The following POLR2L variants were observed in gnomAD, a reference collection of about 807,000 sequenced individuals.
The protein encoded by POLR2L is RNA polymerase II, I and III subunit L.
A neutral mutation model predicts 6.8 loss-of-function variants in POLR2L; 7 were observed. The observed-to-expected ratio is 1.03, with a 90% CI of 0.59 to 1.94. The LOEUF (loss-of-function observed/expected upper bound fraction) is 1.94, where lower values mean the gene tolerates loss of function less well. POLR2L is among the 30% of genes most tolerant of loss of function. The pLI, the probability that POLR2L is intolerant of heterozygous loss-of-function variation, is 0.00. For missense variants in POLR2L, 93 were observed against 86.7 expected (o/e 1.07, Z -0.29); for synonymous variants, 59 against 39.8 (o/e 1.48, Z -1.82).
Position 840,499 on chromosome 11 carries a change from C to G in POLR2L, c.96-19G>C, listed in dbSNP as rs766017025. ...CGCATCCCTGTGTCGAGGGGAGGAG[C>G]AGAGGCCAACTGAGTTCTCTACGGT... On this transcript the variant is annotated intron_variant, in intron 1 of 1. Coordinates refer to ENST00000322028, the MANE Select transcript of POLR2L (RefSeq NM_021128.5). 6.5e-7 allele frequency: 1 copy of G among 1,529,682 alleles called. No individual in the cohort carries two copies. The highest frequency in any genetic ancestry group is 1.1e-5 in the South Asian group (1 of 89,790). 94.8% of individuals were successfully genotyped at this position (1,529,682 alleles called of 1,614,324 possible). A position where few individuals can be genotyped will look rare whatever the true frequency, so the allele number is the denominator to read the frequency against.
Position 842,514 on chromosome 11 carries a change from C to T in POLR2L, c.-6G>A. 1 of 1,571,566 alleles carries T rather than the reference C, an allele frequency of 6.4e-7. No homozygotes were observed. Among genetic ancestry groups the T allele is most frequent in the Non-Finnish European group, 8.6e-7 (1 of 1,161,154 alleles). On this transcript the variant is annotated 5_prime_UTR_variant, in exon 1 of 2. Coordinates refer to ENST00000322028, the MANE Select transcript of POLR2L (RefSeq NM_021128.5). ...CAGCGTACAGGGATGATCATGGCGG[C>T]GGCGCGTCCCAGACTGCCCGGCCCG...
chr11:840,745 T>C (rs1358959495), intron 1 of POLR2L, among the ~76,000 whole-genome samples: 1 of 152,034 alleles, frequency 6.6e-6, no homozygotes, highest in East Asian at 1.9e-4. Context: ...ATAACGTATG[T>C]AAGAAATGTA....
At position 840,017 on chromosome 11, in the gene POLR2L, G is replaced by A. The variant is rs960453152; in HGVS notation, c.*355C>T. The A allele has an allele frequency of 1.1e-4, 22 of 201,378 alleles. No homozygotes were observed. The highest frequency in any genetic ancestry group is 4.4e-4 in the African/African-American group (19 of 43,058). The allele number at this position is 201,378 out of a possible 1,614,324, so 12.5% of individuals were successfully genotyped here. On this transcript the variant is annotated 3_prime_UTR_variant, in exon 2 of 2. Transcript: ENST00000322028. Reference sequence around the variant, plus strand: ...GCTCAGCCTGAAGAACACCCAGAAGGAGGGAACCTCAAAGAGCCCCGAGAT... The same window carrying A: ...GCTCAGCCTGAAGAACACCCAGAAGAAGGGAACCTCAAAGAGCCCCGAGAT...
At position 840,560 on chromosome 11, in the gene POLR2L, T is replaced by C. The variant is rs1329002304; in HGVS notation, c.96-80A>G. 22 of 982,822 alleles carry C rather than the reference T, an allele frequency of 2.2e-5. No individual in the cohort carries two copies. In the East Asian group the frequency reaches 4.8e-4, roughly 22 times the overall value. 60.9% of individuals were successfully genotyped at this position (982,822 alleles called of 1,614,324 possible). A position where few individuals can be genotyped will look rare whatever the true frequency, so the allele number is the denominator to read the frequency against. ...CTGGAGCCCACATCCAACCTGCCTC[T>C]CACTGCCTGCTGGCCTCACCCCCCC... is the stretch of plus-strand genomic sequence containing the variant. On this transcript the variant is annotated intron_variant, in intron 1 of 1. Transcript: ENST00000322028.
At chr11:842,053 G>A (rs1465787045) in intron 1 of POLR2L, among the ~76,000 whole-genome samples, 1 of 152,084 alleles carries the variant, frequency 6.6e-6, no homozygotes, top group Non-Finnish European at 1.5e-5. Context: ...CGCCCGTCCT[G>A]CAGCGAGGTT....
In POLR2L at chr11:840,174, C is replaced by T; in HGVS notation, c.*198G>A. Reference sequence around the variant, plus strand: ...TGAAAGCTGGGCCTAGACCTGGCTCCTGACATCCTAGTGAGGGCTGGGACC... The same window carrying T: ...TGAAAGCTGGGCCTAGACCTGGCTCTTGACATCCTAGTGAGGGCTGGGACC... On this transcript the variant is annotated 3_prime_UTR_variant, in exon 2 of 2. Transcript: ENST00000322028. 1.9e-6 allele frequency: 1 copy of T among 531,230 alleles called. No individual in the cohort carries two copies. The allele number at this position is 531,230 out of a possible 1,614,324, so 32.9% of individuals were successfully genotyped here. A position where few individuals can be genotyped will look rare whatever the true frequency, so the allele number is the denominator to read the frequency against.
At chr11:841,074 C>T (rs367728948) in intron 1 of POLR2L, among the ~76,000 whole-genome samples, 1 of 152,336 alleles carries the variant, frequency 6.6e-6, no homozygotes, top group East Asian at 1.9e-4. Context: ...AACTCCCACA[C>T]CGATGGCTCC....
intron 1 of POLR2L, 33 bp from the exon 2 acceptor site, chr11:840,513 G>T: frequency 6.9e-7 from 1 of 1,448,344 alleles, no homozygotes; most frequent in Non-Finnish European, 9.7e-7. Context: ...GGCCAACTGA[G>T]TTCTCTACGG....
chr11:842,423 T>C lies in POLR2L; in HGVS notation c.86A>G (p.Tyr29Cys). 1 of 1,586,878 alleles carries C rather than the reference T, an allele frequency of 6.3e-7. No homozygotes were observed. The highest frequency in any genetic ancestry group is 8.6e-7 in the Non-Finnish European group (1 of 1,169,072). The change falls in exon 1 of 2, where the codon TAC becomes TGC. Residue 29 changes from tyrosine to cysteine, a missense_variant. Transcript: ENST00000322028. ...CCGGCCCGCGCCTCACCCCTCGGTG[T>C]ACTCGGCCTGCAGCAGCCCCAGGTA... ...EAYLGLLQAE[Y>C]TEGDALDALG...
Position 840,225 on chromosome 11 carries a change from G to GGAT in POLR2L, c.*144_*146dup. 1.6e-6 allele frequency: 1 copy of GGAT among 636,310 alleles called. No individual in the cohort carries two copies. Among genetic ancestry groups the GGAT allele is most frequent in the East Asian group, 2.8e-5 (1 of 35,986 alleles). The allele number at this position is 636,310 out of a possible 1,614,324, so 39.4% of individuals were successfully genotyped here. A position where few individuals can be genotyped will look rare whatever the true frequency, so the allele number is the denominator to read the frequency against. On this transcript the variant is annotated 3_prime_UTR_variant, in exon 2 of 2. Transcript: ENST00000322028. ...TTAGTGGTTCTGAAAGACCTTTACT[G>GGAT]GATGGTTCCTTCCAGAGTGGGGTAT...
rs1232880209 is a variant in POLR2L at position 840,632 on chromosome 11, C to T, written c.96-152G>A. 1.3e-5 allele frequency: 8 copies of T among 619,510 alleles called. No individual in the cohort carries two copies. The Admixed American group carries it at 1.4e-4, about 11-fold the overall frequency. 38.4% of individuals were successfully genotyped at this position (619,510 alleles called of 1,614,324 possible). A position where few individuals can be genotyped will look rare whatever the true frequency, so the allele number is the denominator to read the frequency against. ...ATTCACCCGGCTCAGAAGCTGAGAT[C>T]TAGCAGTATGATCCTGGCTGGAGTA... On this transcript the variant is annotated intron_variant, in intron 1 of 1. Transcript: ENST00000322028.
Position 839,938 on chromosome 11 carries a change from C to G in POLR2L, c.*434G>C, listed in dbSNP as rs761573758. On this transcript the variant is annotated 3_prime_UTR_variant, in exon 2 of 2. Coordinates refer to ENST00000322028, the MANE Select transcript of POLR2L (RefSeq NM_021128.5). ...GGATTATAGGGGTGAGCCCCTTTGC[C>G]CGGCCTAAATCTGGCTCTTCAGATT... The G allele has an allele frequency of 1.1e-4, 17 of 156,354 alleles. No individual in the cohort carries two copies. Among genetic ancestry groups the G allele is most frequent in the Non-Finnish European group, 1.7e-4 (12 of 70,822 alleles). 9.7% of individuals were successfully genotyped at this position (156,354 alleles called of 1,614,324 possible).
At chr11:841,743 A>C (rs1474815958) in intron 1 of POLR2L, among the ~76,000 whole-genome samples, 4 of 152,090 alleles carry the variant, frequency 2.6e-5, no homozygotes, top group Non-Finnish European at 5.9e-5. Context: ...TACTGAAAAT[A>C]CAAAAATTAG....
In POLR2L at chr11:840,096, C is replaced by A; in HGVS notation, c.*276G>T. On this transcript the variant is annotated 3_prime_UTR_variant, in exon 2 of 2. Transcript: ENST00000322028. ...AGGGGTGCCTGTGGAACAGGCTGGCCCCAGGGCTAGGAGAGTTCATGGCCC... is the reference window on the plus strand; with the variant it reads ...AGGGGTGCCTGTGGAACAGGCTGGCACCAGGGCTAGGAGAGTTCATGGCCC... The A allele has an allele frequency of 8.7e-6, 3 of 345,642 alleles. No individual in the cohort carries two copies. Among genetic ancestry groups the A allele is most frequent in the Non-Finnish European group, 1.6e-5 (3 of 189,446 alleles). 21.4% of individuals were successfully genotyped at this position (345,642 alleles called of 1,614,324 possible).
intron 1 of POLR2L, among the ~76,000 whole-genome samples, chr11:840,933 T>C (rs1846948732): frequency 1.3e-5 from 2 of 152,078 alleles, no homozygotes; most frequent in African/African-American, 4.8e-5. Context: ...TGTGGGGTCT[T>C]TCCTCACCTC....
rs1171528149 is a variant in POLR2L, at chr11:839,965, CGA to C, written c.*405_*406del. 4.4e-5 allele frequency: 7 copies of C among 160,894 alleles called. No individual in the cohort carries two copies. The highest frequency in any genetic ancestry group is 6.4e-5 in the Admixed American group (1 of 15,696). 10.0% of individuals were successfully genotyped at this position (160,894 alleles called of 1,614,324 possible). A position where few individuals can be genotyped will look rare whatever the true frequency, so the allele number is the denominator to read the frequency against. ...GGCCTAAATCTGGCTCTTCAGATTCCGAGAGAGAGGGTACAGGAGCCTCTCTG... is the reference window on the plus strand; with the variant it reads ...GGCCTAAATCTGGCTCTTCAGATTCCGAGAGAGGGTACAGGAGCCTCTCTG... On this transcript the variant is annotated 3_prime_UTR_variant, in exon 2 of 2. Transcript: ENST00000322028.
In POLR2L at chr11:842,434, C is replaced by T. The variant is rs374045139; in HGVS notation, c.75G>A (p.Leu25=). ...CTCACCCCTCGGTGTACTCGGCCTGCAGCAGCCCCAGGTAAGCCTCCCACT... is the reference window on the plus strand; with the variant it reads ...CTCACCCCTCGGTGTACTCGGCCTGTAGCAGCCCCAGGTAAGCCTCCCACT... ...GNKWEAYLGL[L]QAEYTEGDAL... Residue 25 remains leucine, a synonymous_variant, in exon 1 of 2, where the codon CTG becomes CTA. Transcript: ENST00000322028. The T allele has an allele frequency of 1.3e-6, 2 of 1,593,882 alleles. No homozygotes were observed. The highest frequency in any genetic ancestry group is 1.7e-6 in the Non-Finnish European group (2 of 1,172,208).
chr11:842,501 A>G lies in POLR2L; in HGVS notation c.8T>C (p.Ile3Thr). 7 of 1,579,758 alleles carry G rather than the reference A, an allele frequency of 4.4e-6. No individual in the cohort carries two copies. The highest frequency in any genetic ancestry group is 4.9e-5 in the East Asian group (2 of 40,776). ...GCCACAAGTGAAGCAGCGTACAGGG[A>G]TGATCATGGCGGCGGCGCGTCCCAG... MI[I>T]PVRCFTCGKI... Residue 3 changes from isoleucine (I) to threonine (T), a missense_variant, in exon 1 of 2, where the codon ATC becomes ACC. By Grantham distance (89) the Ile-to-Thr change is moderately conservative. Coordinates refer to ENST00000322028, the MANE Select transcript of POLR2L (RefSeq NM_021128.5).
Position 842,517 on chromosome 11 carries a change from C to G in POLR2L, c.-9G>C. ...CGTACAGGGATGATCATGGCGGCGG[C>G]GCGTCCCAGACTGCCCGGCCCGGCC... On this transcript the variant is annotated 5_prime_UTR_variant, in exon 1 of 2. Coordinates refer to ENST00000322028, the MANE Select transcript of POLR2L (RefSeq NM_021128.5). The G allele has an allele frequency of 1.3e-6, 2 of 1,570,460 alleles. No individual in the cohort carries two copies. The highest frequency in any genetic ancestry group is 1.8e-5 in the Admixed American group (1 of 54,678).
Sources: gnomAD v4.1 joint callset for allele counts (sites outside exome capture counted in the v4.1 genomes callset) on GRCh38, gnomAD v4.1.1 for gene constraint, MANE v1.5 for transcripts, NCBI Gene and HGNC (gene_info 2026-07-23, HGNC 2026-07-21) for gene names.